Variants in SCN8A observed in about 807,000 individuals in gnomAD.
SCN8A encodes the protein sodium voltage-gated channel alpha subunit 8.
SCN8A carries 30 observed loss-of-function variants against 184.1 expected under a neutral mutation model. That is an observed-to-expected ratio of 0.16 (90% CI 0.12 to 0.22). The LOEUF (loss-of-function observed/expected upper bound fraction) is 0.22. SCN8A is among the 10% of genes least tolerant of loss of function. The pLI, the probability that SCN8A is intolerant of heterozygous loss-of-function variation, is 1.00. For synonymous variants in SCN8A, 852 were observed against 907.0 expected, an observed-to-expected ratio of 0.94 and a Z score of 1.09; for missense variants, 1,057 against 2,498.9, an observed-to-expected ratio of 0.42 and a Z score of 12.30.
chr12:51,609,079 C>G (rs1470744155), intron 1 of SCN8A, among the ~76,000 whole-genome samples: 1 of 152,122 alleles, frequency 6.6e-6, no homozygotes, highest in African/African-American at 2.4e-5. Context: ...TAGTTTTATT[C>G]CACTGTGGTC....
chr12:51,746,038 A>G lies in SCN8A; in HGVS notation c.2131+3A>G, dbSNP rs1942506871. 6.3e-7 allele frequency: 1 copy of G among 1,598,582 alleles called. No homozygotes were observed. Among genetic ancestry groups the G allele is most frequent in the Non-Finnish European group, 8.5e-7 (1 of 1,173,750 alleles). ...TGTTACAAATACACTAGTAGAAGGT[A>G]TGTGCCCTATAATGTCAGTCCAACC... On this transcript the variant is annotated splice_donor_region_variant and intron_variant, in intron 13 of 26. Transcript: ENST00000627620.
chr12:51,705,402 C>T lies in SCN8A; in HGVS notation c.1135-15C>T. The T allele has an allele frequency of 6.2e-7, 1 of 1,613,142 alleles. No homozygotes were observed. Among genetic ancestry groups the T allele is most frequent in the Non-Finnish European group, 8.5e-7 (1 of 1,179,306 alleles). On this transcript the variant is annotated splice_polypyrimidine_tract_variant and intron_variant, in intron 9 of 26. Coordinates refer to ENST00000627620, the MANE Select transcript of SCN8A (RefSeq NM_001330260.2). ...TTGGTACAAGTGACTCAGAAAATGGCCTTTGTCTTTGCAGACTTTACGAGC... is the reference window on the plus strand; with the variant it reads ...TTGGTACAAGTGACTCAGAAAATGGTCTTTGTCTTTGCAGACTTTACGAGC...
chr12:51,669,463 G>T (rs1041266611), intron 2 of SCN8A, among the ~76,000 whole-genome samples: 1 of 152,084 alleles, frequency 6.6e-6, no homozygotes, highest in Non-Finnish European at 1.5e-5. Flanking sequence ...CCTTAGTGTG[G>T]AAGATCCCTC....
At chr12:51,655,333 CTTTG>C (rs1940800528) in intron 1 of SCN8A, among the ~76,000 whole-genome samples, 1 of 150,908 alleles carries the variant, frequency 6.6e-6, no homozygotes, top group Non-Finnish European at 1.5e-5. Flanking sequence ...TTGGATTCTA[CTTTG>C]TTTGTTTTCA....
chr12:51,710,512 G>T (rs145391245), intron 11 of SCN8A, among the ~76,000 whole-genome samples: 8 of 151,980 alleles, frequency 5.3e-5, no homozygotes, highest in African/African-American at 1.7e-4. Flanking sequence ...CCAAAAAATT[G>T]GCCAGGCGTG....
At chr12:51,736,322 A>C (rs191605659) in intron 12 of SCN8A, among the ~76,000 whole-genome samples, 19 of 152,350 alleles carry the variant, frequency 1.2e-4, no homozygotes, top group Admixed American at 1.0e-3. Context: ...CATGCAGCCC[A>C]GACAAAGTGA....
chr12:51,688,710 C>T, intron 5 of SCN8A: 1 of 1,372,954 alleles, frequency 7.3e-7, no homozygotes, highest in Non-Finnish European at 1.0e-6. Context: ...ATTCTCAAAC[C>T]CTCGCCCAGT....
chr12:51,695,223 A>G (rs1941573736), intron 6 of SCN8A, among the ~76,000 whole-genome samples: 1 of 152,176 alleles, frequency 6.6e-6, no homozygotes, highest in Non-Finnish European at 1.5e-5. Flanking sequence ...CCCTCTGTGA[A>G]GTATAAGCAG....
At chr12:51,764,333 G>GC (rs757178771) in intron 15 of SCN8A, among the ~76,000 whole-genome samples, 114 of 152,220 alleles carry the variant, frequency 7.5e-4, no homozygotes, top group Non-Finnish European at 9.4e-4. Flanking sequence ...TAGCCTTTAT[G>GC]CGTTATAATT....
chr12:51,759,867 C>T (rs1942736159), intron 14 of SCN8A, among the ~76,000 whole-genome samples: 2 of 152,168 alleles, frequency 1.3e-5, no homozygotes, highest in South Asian at 2.1e-4. Context: ...GGGCATGGTG[C>T]CAGTACCTGG....
At chr12:51,658,879 C>T (rs1940874229) in intron 1 of SCN8A, among the ~76,000 whole-genome samples, 1 of 151,994 alleles carries the variant, frequency 6.6e-6, no homozygotes, top group African/African-American at 2.4e-5. Flanking sequence ...ACTGTCATTC[C>T]AAGTGTTGAT....
chr12:51,713,277 A>G, intron 11 of SCN8A: 1 of 1,155,506 alleles, frequency 8.7e-7, no homozygotes, highest in Admixed American at 1.7e-5. Context: ...CTCTAGAAAC[A>G]GCTCTCTTTG....
intron 1 of SCN8A, among the ~76,000 whole-genome samples, chr12:51,616,031 C>T (rs1939829286): frequency 6.6e-6 from 1 of 152,020 alleles, no homozygotes; most frequent in African/African-American, 2.4e-5. Flanking sequence ...CACAGTTGGC[C>T]TCATCATTTA....
chr12:51,640,212 G>GT (rs57362371), intron 1 of SCN8A, among the ~76,000 whole-genome samples: 1 of 34,732 alleles, frequency 2.9e-5, no homozygotes. Flanking sequence ...TGCCTGGCCT[G>GT]TTTTTTTTTT....
chr12:51,699,752 A>G lies in SCN8A; in HGVS notation c.889A>G (p.Thr297Ala). The G allele has an allele frequency of 2.5e-6, 4 of 1,613,894 alleles. No homozygotes were observed. Among genetic ancestry groups the G allele is most frequent in the Non-Finnish European group, 3.4e-6 (4 of 1,179,846 alleles). ...CAACGAGAGCTATCTTGAAAATGGC[A>G]CCAAAGGCTTTGATTGGGAAGAGTA... ...NFNESYLENG[T>A]KGFDWEEYIN... Residue 297 changes from threonine (T) to alanine (A), a missense_variant, in exon 7 of 27, where the codon ACC becomes GCC. Physicochemically the swap from Thr to Ala is moderately conservative, Grantham distance 58. Coordinates refer to ENST00000627620, the MANE Select transcript of SCN8A (RefSeq NM_001330260.2).
intron 6 of SCN8A, among the ~76,000 whole-genome samples, chr12:51,691,069 T>G (rs1941497766): frequency 6.6e-6 from 1 of 152,208 alleles, no homozygotes; most frequent in African/African-American, 2.4e-5. Flanking sequence ...AAGCCCTGTC[T>G]TATTTTTTGA....
In SCN8A at chr12:51,786,496, G is replaced by T. The variant is rs779263607; in HGVS notation, c.3943-46G>T. 4.4e-6 allele frequency: 7 copies of T among 1,604,646 alleles called. No individual in the cohort carries two copies. The African/African-American group carries it at 8.0e-5, about 18-fold the overall frequency. On this transcript the variant is annotated intron_variant, in intron 21 of 26. Transcript: ENST00000627620. ...CTCCTGGAAATCAAAAAATGTGCTTGCTCTCATTTCCACCCAACACTGAGC... is the reference window on the plus strand; with the variant it reads ...CTCCTGGAAATCAAAAAATGTGCTTTCTCTCATTTCCACCCAACACTGAGC...
At chr12:51,681,168 G>A (rs1211417840) in intron 2 of SCN8A, among the ~76,000 whole-genome samples, 2 of 151,984 alleles carry the variant, frequency 1.3e-5, no homozygotes. Context: ...TATCTACCCC[G>A]GGGACTCAAA....
intron 1 of SCN8A, among the ~76,000 whole-genome samples, chr12:51,626,561 G>A (rs1178536449): frequency 6.6e-6 from 1 of 152,088 alleles, no homozygotes; most frequent in East Asian, 1.9e-4. Flanking sequence ...CATTAATTAA[G>A]CAAACATTTA....
Sources: gnomAD v4.1 joint callset for allele counts (sites outside exome capture counted in the v4.1 genomes callset) on GRCh38, gnomAD v4.1.1 for gene constraint, MANE v1.5 for transcripts, NCBI Gene and HGNC (gene_info 2026-07-23, HGNC 2026-07-21) for gene names.